The following LRIG2 variants were observed in gnomAD, a reference collection of about 807,000 sequenced individuals.
LRIG2 encodes leucine-rich repeats and immunoglobulin-like domains protein 2.
Under a neutral mutation model 107.8 loss-of-function variants are expected in LRIG2, and 93 were observed. The observed-to-expected ratio is 0.86, with a 90% CI of 0.73 to 1.03. LRIG2 has a LOEUF of 1.03. LRIG2 is among the 50% of genes least tolerant of loss of function. LRIG2 has a pLI of 0.00. For missense variants in LRIG2, 1,226 were observed against 1,296.0 expected (o/e 0.95, Z 0.83); for synonymous variants, 471 against 470.6 (o/e 1.00, Z -0.01).
chr1:113,117,006 G>A (rs1331637572), intron 16 of LRIG2, among the ~76,000 whole-genome samples: 2 of 152,150 alleles, frequency 1.3e-5, no homozygotes, highest in African/African-American at 4.8e-5. Context: ...ATCAACAAAT[G>A]GTAGCAATGG....
rs1654814299 is a variant in LRIG2 at position 113,112,549 on chromosome 1, T to G, written c.1869T>G (p.Cys623Trp). 1 of 1,614,080 alleles carries G rather than the reference T, an allele frequency of 6.2e-7. No homozygotes were observed. Among genetic ancestry groups the G allele is most frequent in the South Asian group, 1.1e-5 (1 of 91,090 alleles). The change falls in exon 14 of 18, where the codon TGT (cysteine) becomes TGG (tryptophan). Residue 623 changes from cysteine (C) to tryptophan (W), a missense_variant. Around this residue, in one of 3 missense-constraint regions of LRIG2, gnomAD observed 642 missense variants for 712.2 expected, o/e 0.90. Coordinates refer to ENST00000361127, the MANE Select transcript of LRIG2 (RefSeq NM_014813.3). ...IRTGAMARLE[C>W]AAEGHPAPQI... ...CTGGTGCCATGGCCAGATTAGAATG[T>G]GCTGCAGAGGGACACCCTGCACCTC...
At chr1:113,085,308 A>G (rs1653497142) in intron 1 of LRIG2, among the ~76,000 whole-genome samples, 1 of 152,076 alleles carries the variant, frequency 6.6e-6, no homozygotes, top group African/African-American at 2.4e-5. Context: ...TTTGAGACAG[A>G]GTTTCATTCT....
intron 12 of LRIG2, among the ~76,000 whole-genome samples, chr1:113,109,144 A>G (rs776425275): frequency 2.2e-4 from 33 of 152,360 alleles, no homozygotes; most frequent in Middle Eastern, 3.4e-3. Context: ...AATTCTGCTG[A>G]CATTGCCGCA....
rs745574153 is a variant in LRIG2, at chr1:113,093,297, T to G, written c.380+17T>G. On this transcript the variant is annotated intron_variant, in intron 3 of 17. Coordinates refer to ENST00000361127, the MANE Select transcript of LRIG2 (RefSeq NM_014813.3). The stretch of plus-strand genomic sequence containing the variant: ...ACTTTCATTGTAAGTTAGTAAGTTT[T>G]CAGGTTTTTTACTTAAATTATGAAA... The G allele has an allele frequency of 5.1e-6, 8 of 1,564,392 alleles. No homozygotes were observed. The highest frequency in any genetic ancestry group is 6.9e-6 in the Non-Finnish European group (8 of 1,153,550).
At chr1:113,098,384 G>A (rs1003205297) in intron 8 of LRIG2, among the ~76,000 whole-genome samples, 9 of 152,148 alleles carry the variant, frequency 5.9e-5, no homozygotes, top group African/African-American at 2.2e-4. Context: ...TCAGGACCCT[G>A]TTTATAATTT....
rs780604712 is a variant in LRIG2, at chr1:113,073,498, C to T, written c.92C>T (p.Ala31Val). ...LSRLLFIAQT[A>V]LLLLPAAGAG... ...CGGTTACTCTTCATTGCCCAGACCG[C>T]TCTCCTCCTGTTGCCCGCCGCCGGA... is the stretch of plus-strand genomic sequence containing the variant. The change falls in exon 1 of 18, where the codon GCT becomes GTT. Residue 31 changes from alanine to valine, a missense_variant. Around this residue, in one of 3 missense-constraint regions of LRIG2, gnomAD observed 570 missense variants for 550.2 expected, o/e 1.04. Transcript: ENST00000361127. 8.1e-6 allele frequency: 13 copies of T among 1,614,186 alleles called. No homozygotes were observed. In the South Asian group the frequency reaches 9.9e-5, roughly 12 times the overall value.
At chr1:113,104,626 T>G (rs1209731840) in intron 11 of LRIG2, among the ~76,000 whole-genome samples, 1 of 152,040 alleles carries the variant, frequency 6.6e-6, no homozygotes, top group Non-Finnish European at 1.5e-5. Flanking sequence ...CAAGCAGTTC[T>G]GCCTCAGCCT....
chr1:113,087,826 G>A (rs1453587655), intron 1 of LRIG2, among the ~76,000 whole-genome samples: 2 of 152,322 alleles, frequency 1.3e-5, no homozygotes, highest in African/African-American at 4.8e-5. Context: ...TTGCAGTAAA[G>A]GAGAATAGTA....
intron 1 of LRIG2, 115 bp downstream of exon 1, chr1:113,073,760 G>GA (rs56062000): frequency 0.57 from 551,366 of 963,948 alleles, 166,072 homozygotes; most frequent in Non-Finnish European, 0.63. Flanking sequence ...CCTAAGCTCT[G>GA]AAGGAAACTG....
chr1:113,115,022 C>G, intron 15 of LRIG2, 146 bp downstream of exon 15: 1 of 720,930 alleles, frequency 1.4e-6, no homozygotes, highest in South Asian at 1.9e-5. Context: ...GGTGGGAGGA[C>G]TGCTTGAGCC....
chr1:113,086,306 A>G (rs1314355202), intron 1 of LRIG2, among the ~76,000 whole-genome samples: 1 of 152,092 alleles, frequency 6.6e-6, no homozygotes, highest in African/African-American at 2.4e-5. Context: ...TGCCCGGCCG[A>G]GTATTATTTT....
rs1482537216 is a variant in LRIG2 at position 113,090,207 on chromosome 1, C to G, written c.240-1111C>G. 4.6e-5 allele frequency among the ~76,000 whole-genome samples: 7 copies of G among 152,060 alleles called. No homozygotes were observed. In the East Asian group the frequency reaches 1.3e-3, roughly 29 times the overall value. On this transcript the variant is annotated intron_variant, in intron 1 of 17. Coordinates refer to ENST00000361127, the MANE Select transcript of LRIG2 (RefSeq NM_014813.3). ...ATTATTGAGTGAAAAAAGCAAGGGG[C>G]AAAATGTGTAAATTGTTGTGTCATT...
At chr1:113,122,316 A>G (rs1655298919) in intron 17 of LRIG2, among the ~76,000 whole-genome samples, 1 of 151,648 alleles carries the variant, frequency 6.6e-6, no homozygotes, top group African/African-American at 2.4e-5. Context: ...CAAACTCCTG[A>G]CCTCAGGTGA....
In LRIG2 at chr1:113,125,443, A is replaced by T. The variant is rs1655449100; in HGVS notation, c.*1342A>T. 6.8e-6 allele frequency: 1 copy of T among 146,670 alleles called. No individual in the cohort carries two copies. Among genetic ancestry groups the T allele is most frequent in the Non-Finnish European group, 1.5e-5 (1 of 67,370 alleles). 9.1% of individuals were successfully genotyped at this position (146,670 alleles called of 1,614,324 possible). On this transcript the variant is annotated 3_prime_UTR_variant, in exon 18 of 18. Transcript: ENST00000361127. ...GAAAACTTGTTTGGAAATTCCTTTC[A>T]TTTCCTCCCCCTCTCCCTCCTTCCC...
At position 113,114,574 on chromosome 1, in the gene LRIG2, TC is replaced by T; in HGVS notation, c.2229del (p.Phe744LeufsTer11). 6.2e-7 allele frequency: 1 copy of T among 1,614,086 alleles called. No individual in the cohort carries two copies. Among genetic ancestry groups the T allele is most frequent in the Non-Finnish European group, 8.5e-7 (1 of 1,180,010 alleles). On this transcript the variant is annotated frameshift_variant, in exon 15 of 18. Transcript: ENST00000361127. LOFTEE classifies it high-confidence loss of function. ...CCTTTGCTGGTGACAGAACGACATT[TC>T]TTTGCTGCAGCCAATCAGCTTCTCA... The part of the protein sequence containing the change: ...DGPLLVTERH[F>X]FAAANQLLII...
Position 113,114,579 on chromosome 1 carries a change from GCTGCAGCCAA to G in LRIG2, c.2234_2243del (p.Ala745ValfsTer7). The G allele has an allele frequency of 6.2e-7, 1 of 1,614,006 alleles. No individual in the cohort carries two copies. The highest frequency in any genetic ancestry group is 8.5e-7 in the Non-Finnish European group (1 of 1,180,006). On this transcript the variant is annotated frameshift_variant, in exon 15 of 18. Coordinates refer to ENST00000361127, the MANE Select transcript of LRIG2 (RefSeq NM_014813.3). LOFTEE classifies it high-confidence loss of function. ...GCTGGTGACAGAACGACATTTCTTT[GCTGCAGCCAA>G]TCAGCTTCTCATCATTGTAGATGCC... is the stretch of plus-strand genomic sequence containing the variant.
chr1:113,091,368 A>G lies in LRIG2; in HGVS notation c.290A>G (p.Gln97Arg). 1 of 1,597,952 alleles carries G rather than the reference A, an allele frequency of 6.3e-7. No individual in the cohort carries two copies. Among genetic ancestry groups the G allele is most frequent in the Non-Finnish European group, 8.6e-7 (1 of 1,169,488 alleles). ...AACTGGAACATCAGCTTGGAATCAC[A>G]AACATTACAGGAAGTGTAAGTTATT... ...LSNWNISLESQTLQEVKMNYN... is the reference protein window; with the variant it reads ...LSNWNISLESRTLQEVKMNYN... Residue 97 changes from glutamine to arginine, a missense_variant, in exon 2 of 18, where the codon CAA (glutamine) becomes CGA (arginine). Physicochemically the swap from Gln to Arg is conservative, Grantham distance 43. Coordinates refer to ENST00000361127, the MANE Select transcript of LRIG2 (RefSeq NM_014813.3).
chr1:113,106,366 G>A (rs1285170647), intron 11 of LRIG2, among the ~76,000 whole-genome samples: 1 of 152,202 alleles, frequency 6.6e-6, no homozygotes, highest in African/African-American at 2.4e-5. Flanking sequence ...CTGCTTCTAA[G>A]TGGATGGGAC....
chr1:113,088,305 A>G (rs938304905), intron 1 of LRIG2, among the ~76,000 whole-genome samples: 7 of 152,188 alleles, frequency 4.6e-5, no homozygotes, highest in African/African-American at 1.7e-4. Context: ...TGAAAAGCCT[A>G]TAGGTTCTTC....
Sources: allele counts gnomAD v4.1 joint callset (sites outside exome capture counted in the v4.1 genomes callset), GRCh38; gene constraint gnomAD v4.1.1; regional missense constraint gnomAD v4.1.1; transcripts MANE v1.5; gene names NCBI Gene and HGNC (gene_info 2026-07-23, HGNC 2026-07-21).